Variants in ROBO2 observed in about 807,000 individuals in gnomAD.
ROBO2 encodes roundabout guidance receptor 2, also known as roundabout homolog 2.
A neutral mutation model predicts 160.8 loss-of-function variants in ROBO2; 53 were observed. The observed-to-expected ratio is 0.33, with a 90% CI of 0.26 to 0.41. The LOEUF (loss-of-function observed/expected upper bound fraction) is 0.41. Ranked by LOEUF, ROBO2 falls within the 10% of genes least tolerant of loss-of-function variation. ROBO2 has a pLI of 1.00. For synonymous variants in ROBO2, 664 were observed against 611.7 expected (o/e 1.09, Z -1.26); for missense variants, 1,577 against 1,722.4 (o/e 0.92, Z 1.49).
intron 2 of ROBO2, among the ~76,000 whole-genome samples, chr3:77,310,049 T>A (rs2063411005): frequency 6.6e-6 from 1 of 152,198 alleles, no homozygotes; most frequent in Non-Finnish European, 1.5e-5. Context: ...ATGTACGGTC[T>A]AACATGGCCA....
At chr3:75,961,514 C>G (rs1283026543) in intron 2 of ROBO2, among the ~76,000 whole-genome samples, 2 of 151,574 alleles carry the variant, frequency 1.3e-5, no homozygotes, top group Non-Finnish European at 3.0e-5. Context: ...AGAATTACTT[C>G]TAAGTAATAA....
At chr3:76,417,567 A>G (rs2075805403) in intron 2 of ROBO2, among the ~76,000 whole-genome samples, 1 of 152,168 alleles carries the variant, frequency 6.6e-6, no homozygotes, top group South Asian at 2.1e-4. Flanking sequence ...GTTAGCCTAA[A>G]TGGCATGAAA....
chr3:77,427,297 A>G (rs1177547023), intron 2 of ROBO2, among the ~76,000 whole-genome samples: 1 of 152,182 alleles, frequency 6.6e-6, no homozygotes, highest in African/African-American at 2.4e-5. Flanking sequence ...TTGCTAATCT[A>G]TATTTTATTT....
chr3:77,638,164 G>A (rs918580604), intron 24 of ROBO2, among the ~76,000 whole-genome samples: 1 of 152,162 alleles, frequency 6.6e-6, no homozygotes, highest in African/African-American at 2.4e-5. Flanking sequence ...ATATGCCATA[G>A]CATTTATATG....
chr3:77,401,759 AAAT>A (rs1366794987), intron 2 of ROBO2, among the ~76,000 whole-genome samples: 4 of 152,136 alleles, frequency 2.6e-5, no homozygotes, highest in African/African-American at 9.7e-5. Context: ...GGCTTCTTTA[AAAT>A]AATAATTGGT....
intron 2 of ROBO2, among the ~76,000 whole-genome samples, chr3:76,755,848 G>A (rs537456222): frequency 8.7e-4 from 132 of 151,860 alleles, no homozygotes; most frequent in Admixed American, 2.0e-3. Flanking sequence ...TGGGTCTGCA[G>A]TCTCAAAGCT....
chr3:76,909,711 C>T (rs770021593), intron 2 of ROBO2, among the ~76,000 whole-genome samples: 11 of 152,180 alleles, frequency 7.2e-5, no homozygotes, highest in East Asian at 5.8e-4. Context: ...GTGTCTTATT[C>T]GACATTAGAG....
chr3:76,975,657 A>G (rs1487215438), intron 2 of ROBO2, among the ~76,000 whole-genome samples: 1 of 152,104 alleles, frequency 6.6e-6, no homozygotes, highest in Non-Finnish European at 1.5e-5. Context: ...AGGAAAGTAT[A>G]ATTCTTCCCC....
intron 2 of ROBO2, among the ~76,000 whole-genome samples, chr3:77,030,342 G>C (rs1032368195): frequency 6.6e-6 from 1 of 152,138 alleles, no homozygotes; most frequent in Non-Finnish European, 1.5e-5. Flanking sequence ...TTATTTGTGT[G>C]TGTGTACATA....
At chr3:76,916,704 T>C (rs1409760031) in intron 2 of ROBO2, among the ~76,000 whole-genome samples, 1 of 151,910 alleles carries the variant, frequency 6.6e-6, no homozygotes, top group African/African-American at 2.4e-5. Context: ...ATTACTGTGA[T>C]TAATAAAAGG....
chr3:76,462,681 T>C (rs1328097542), intron 2 of ROBO2, among the ~76,000 whole-genome samples: 1 of 151,606 alleles, frequency 6.6e-6, no homozygotes, highest in Non-Finnish European at 1.5e-5. Flanking sequence ...AGAGGAAATA[T>C]AGCTTGTTTA....
rs1387278688 is a variant in ROBO2, at chr3:77,504,992, G to A, written c.806+11610G>A. Among the ~76,000 whole-genome samples, 3 of 152,164 alleles carry A rather than the reference G, an allele frequency of 2.0e-5. No individual in the cohort carries two copies. The East Asian group carries it at 5.8e-4, about 29-fold the overall frequency. On this transcript the variant is annotated intron_variant, in intron 5 of 25. Transcript: ENST00000461745. Reference sequence around the variant, plus strand: ...GGATGAAAAAGCTTTGGAAAGCGTGGGCCAACAATTAGTGATTCGGTTTGC... The same window carrying A: ...GGATGAAAAAGCTTTGGAAAGCGTGAGCCAACAATTAGTGATTCGGTTTGC...
chr3:76,310,816 G>A (rs2071545521), intron 2 of ROBO2, among the ~76,000 whole-genome samples: 1 of 152,158 alleles, frequency 6.6e-6, no homozygotes. Flanking sequence ...CCAAGTGGCG[G>A]TGACACCGGC....
At chr3:77,574,943 T>C (rs2093723887) in intron 14 of ROBO2, among the ~76,000 whole-genome samples, 1 of 152,120 alleles carries the variant, frequency 6.6e-6, no homozygotes, top group Non-Finnish European at 1.5e-5. Flanking sequence ...AAGTAACCAT[T>C]TGCACCAAAT....
At chr3:77,217,079 T>C (rs2085075064) in intron 2 of ROBO2, among the ~76,000 whole-genome samples, 1 of 151,926 alleles carries the variant, frequency 6.6e-6, no homozygotes, top group South Asian at 2.1e-4. Context: ...GCAAGGCCCT[T>C]AATCTTTCTT....
chr3:76,711,731 G>A (rs1172865386), intron 2 of ROBO2, among the ~76,000 whole-genome samples: 3 of 152,086 alleles, frequency 2.0e-5, no homozygotes, highest in Admixed American at 1.3e-4. Flanking sequence ...GCACCATGCT[G>A]CTTCTCACTT....
At chr3:76,833,993 CTTT>C (rs2067313753) in intron 2 of ROBO2, among the ~76,000 whole-genome samples, 1 of 112,728 alleles carries the variant, frequency 8.9e-6, no homozygotes, top group Non-Finnish European at 1.9e-5. Flanking sequence ...TTCTTTCTTT[CTTT>C]CCTTCTTTCT....
At chr3:75,990,119 A>C (rs1246798026) in intron 2 of ROBO2, among the ~76,000 whole-genome samples, 1 of 152,218 alleles carries the variant, frequency 6.6e-6, no homozygotes, top group Non-Finnish European at 1.5e-5. Context: ...TAACATTCTC[A>C]AGCCATAAAA....
intron 2 of ROBO2, among the ~76,000 whole-genome samples, chr3:77,124,942 A>C (rs1405497873): frequency 1.4e-5 from 2 of 145,736 alleles, no homozygotes; most frequent in Non-Finnish European, 3.0e-5. Flanking sequence ...CTCTTTCTGT[A>C]TCTCTTCCTA....
Sources: allele counts gnomAD v4.1 joint callset (sites outside exome capture counted in the v4.1 genomes callset), GRCh38; gene constraint gnomAD v4.1.1; transcripts MANE v1.5; gene names NCBI Gene and HGNC (gene_info 2026-07-23, HGNC 2026-07-21).